NPAS3: variants seen among roughly 807,000 people sequenced by gnomAD.
The protein encoded by NPAS3 is neuronal PAS domain-containing protein 3.
Under a neutral mutation model 73.1 loss-of-function variants are expected in NPAS3, and 14 were observed. The ratio of observed to expected loss-of-function variants is 0.19; its 90% CI spans 0.13 to 0.30. The LOEUF (loss-of-function observed/expected upper bound fraction) is 0.30. Among genes scored for constraint, NPAS3 ranks in the 10% least tolerant of loss-of-function variants. The probability of loss-of-function intolerance (pLI) is 1.00; values close to 1 mark genes in which losing one functional copy is unlikely to be tolerated. For synonymous variants in NPAS3, 620 were observed against 541.5 expected, an observed-to-expected ratio of 1.14 and a Z score of -2.01; for missense variants, 1,096 against 1,250.0, an observed-to-expected ratio of 0.88 and a Z score of 1.86.
At chr14:33,788,256 G>A (rs972717586) in intron 9 of NPAS3, among the ~76,000 whole-genome samples, 1 of 152,170 alleles carries the variant, frequency 6.6e-6, no homozygotes, top group African/African-American at 2.4e-5. Context: ...CCTGCTCTCC[G>A]TTCTCCGCGG....
chr14:33,414,418 A>G (rs953503331), intron 4 of NPAS3, among the ~76,000 whole-genome samples: 2 of 152,172 alleles, frequency 1.3e-5, no homozygotes, highest in Admixed American at 6.6e-5. Context: ...ATCAATTAGC[A>G]GGTTTCTCCA....
chr14:33,530,089 G>A (rs115421473), intron 4 of NPAS3, among the ~76,000 whole-genome samples: 2,035 of 152,006 alleles, frequency 0.013, 49 homozygotes, highest in African/African-American at 0.046. Flanking sequence ...TTTTGTCACC[G>A]CTCACCAAAG....
At position 33,329,600 on chromosome 14, in the gene NPAS3, G is replaced by A. The variant is rs567109922; in HGVS notation, c.386-37586G>A. ...AGGAACCAGTGTGGTTTGAGAGTAG[G>A]AAGTGAGAGGATAGTCTCAGAGGAG... On this transcript the variant is annotated intron_variant, in intron 3 of 11. Transcript: ENST00000356141. 1.2e-4 allele frequency among the ~76,000 whole-genome samples: 18 copies of A among 152,238 alleles called. No individual in the cohort carries two copies. The East Asian group carries it at 2.9e-3, about 25-fold the overall frequency.
At chr14:33,578,179 C>T in intron 5 of NPAS3, 1 of 455,998 alleles carries the variant, frequency 2.2e-6, no homozygotes, top group Admixed American at 2.3e-5. Context: ...GCCAGATGAA[C>T]TACCAACACC....
chr14:33,056,144 A>C, intron 2 of NPAS3, 150 bp downstream of exon 2: 1 of 540,086 alleles, frequency 1.9e-6, no homozygotes, highest in South Asian at 2.8e-5. Context: ...CAACAAACCA[A>C]ACCAAATAAA....
intron 2 of NPAS3, among the ~76,000 whole-genome samples, chr14:33,069,214 G>A (rs1360882222): frequency 6.6e-6 from 1 of 152,154 alleles, no homozygotes; most frequent in Non-Finnish European, 1.5e-5. Flanking sequence ...ATGTATCATT[G>A]ACTTTGTATT....
At chr14:33,776,289 A>C (rs1172442651) in intron 8 of NPAS3, among the ~76,000 whole-genome samples, 3 of 152,096 alleles carry the variant, frequency 2.0e-5, no homozygotes, top group African/African-American at 7.2e-5. Context: ...TTGAAAACAC[A>C]CATCAGCTCC....
intron 2 of NPAS3, among the ~76,000 whole-genome samples, chr14:33,203,274 G>T (rs1366773673): frequency 6.6e-6 from 1 of 152,082 alleles, no homozygotes; most frequent in Non-Finnish European, 1.5e-5. Flanking sequence ...TTACTCCTGT[G>T]CTACTTAATT....
intron 3 of NPAS3, among the ~76,000 whole-genome samples, chr14:33,281,894 A>G (rs909892325): frequency 6.6e-6 from 1 of 152,196 alleles, no homozygotes; most frequent in African/African-American, 2.4e-5. Context: ...AGAATATATG[A>G]ACAAGAGGCC....
At chr14:33,023,956 G>T (rs144027099) in intron 1 of NPAS3, among the ~76,000 whole-genome samples, 53 of 152,224 alleles carry the variant, frequency 3.5e-4, no homozygotes, top group African/African-American at 1.1e-3. Flanking sequence ...GATGAAAAAA[G>T]ATACTGATGT....
chr14:33,759,592 T>A (rs749172805), intron 7 of NPAS3, among the ~76,000 whole-genome samples: 5 of 152,250 alleles, frequency 3.3e-5, no homozygotes, highest in Non-Finnish European at 7.3e-5. Flanking sequence ...TTTGAATTTG[T>A]TTCTTCACTT....
At chr14:33,548,609 C>A (rs1349926607) in intron 4 of NPAS3, among the ~76,000 whole-genome samples, 1 of 152,192 alleles carries the variant, frequency 6.6e-6, no homozygotes, top group African/African-American at 2.4e-5. Context: ...TGTTCTAATT[C>A]ACTGAAAGCA....
At chr14:33,718,584 G>A (rs1228084661) in intron 6 of NPAS3, among the ~76,000 whole-genome samples, 4 of 152,148 alleles carry the variant, frequency 2.6e-5, no homozygotes, top group African/African-American at 9.7e-5. Flanking sequence ...AGGTAGTAAC[G>A]TGTGTATACA....
chr14:33,336,697 T>C (rs1322001493), intron 3 of NPAS3, among the ~76,000 whole-genome samples: 1 of 152,156 alleles, frequency 6.6e-6, no homozygotes, highest in East Asian at 1.9e-4. Context: ...AACCTAATCC[T>C]GGGAGTAAAA....
chr14:33,311,535 A>C (rs756043154), intron 3 of NPAS3, among the ~76,000 whole-genome samples: 1 of 152,106 alleles, frequency 6.6e-6, no homozygotes, highest in Non-Finnish European at 1.5e-5. Context: ...ATCTGGATAT[A>C]GCTGGTAGAT....
intron 2 of NPAS3, among the ~76,000 whole-genome samples, chr14:33,076,320 T>A (rs965162879): frequency 1.3e-5 from 2 of 152,230 alleles, no homozygotes; most frequent in African/African-American, 4.8e-5. Flanking sequence ...CAGGGGCATT[T>A]TATTTTCCCA....
intron 2 of NPAS3, among the ~76,000 whole-genome samples, chr14:33,195,660 T>C (rs2046326648): frequency 6.6e-6 from 1 of 152,268 alleles, no homozygotes; most frequent in South Asian, 2.1e-4. Flanking sequence ...ATATTTGTTA[T>C]TAACTAAAAG....
intron 5 of NPAS3, among the ~76,000 whole-genome samples, chr14:33,561,665 G>A (rs114506031): frequency 0.015 from 2,310 of 152,238 alleles, 36 homozygotes; most frequent in Middle Eastern, 0.034. Flanking sequence ...ACCATGTCGC[G>A]ATGTTGTTAT....
intron 6 of NPAS3, among the ~76,000 whole-genome samples, chr14:33,716,589 A>G (rs907012123): frequency 1.3e-5 from 2 of 152,120 alleles, no homozygotes; most frequent in Non-Finnish European, 2.9e-5. Flanking sequence ...TCATCATCCT[A>G]AACCGAAACC....
Sources: allele counts gnomAD v4.1 joint callset (sites outside exome capture counted in the v4.1 genomes callset), GRCh38; gene constraint gnomAD v4.1.1; transcripts MANE v1.5; gene names NCBI Gene and HGNC (gene_info 2026-07-23, HGNC 2026-07-21).